The following ASIC2 variants were observed in gnomAD, a reference collection of about 807,000 sequenced individuals.
ASIC2 encodes acid sensing ion channel subunit 2.
ASIC2 carries 25 observed loss-of-function variants against 57.3 expected under a neutral mutation model. The ratio of observed to expected loss-of-function variants is 0.44; its 90% CI spans 0.32 to 0.61. The LOEUF (loss-of-function observed/expected upper bound fraction) is 0.61, where lower values mean the gene tolerates loss of function less well. ASIC2 is among the 20% of genes least tolerant of loss of function. ASIC2 has a pLI of 0.06. For missense variants in ASIC2, 641 were observed against 738.1 expected (o/e 0.87, Z 1.52); for synonymous variants, 319 against 307.5 (o/e 1.04, Z -0.39).
In ASIC2 at chr17:33,269,991, T is replaced by C. The variant is rs1477022729; in HGVS notation, c.708+21417A>G. 2.0e-5 allele frequency among the ~76,000 whole-genome samples: 3 copies of C among 152,290 alleles called. No individual in the cohort carries two copies. In the East Asian group the frequency reaches 5.8e-4, roughly 29 times the overall value. On this transcript the variant is annotated intron_variant, in intron 1 of 9. Coordinates refer to ENST00000225823, the MANE Select transcript of ASIC2 (RefSeq NM_183377.2). ...CCCAGATGCCTCTCTGCTCCATCCA[T>C]GCAAGACTTCTCTTCAGTTGAATGA...
In ASIC2 at chr17:33,328,143, TAC is replaced by T. The variant is rs1491055138; in HGVS notation, c.556-216078_556-216077del. 8.3e-5 allele frequency among the ~76,000 whole-genome samples: 6 copies of T among 71,998 alleles called. 1 individual carries two copies. The highest frequency in any genetic ancestry group is 1.7e-4 in the Non-Finnish European group (6 of 34,882). 47.2% of individuals were successfully genotyped at this position (71,998 alleles called of 152,430 possible). On this transcript the variant is annotated intron_variant, in intron 1 of 9. Coordinates refer to the ASIC2 transcript ENST00000359872. ...AGTCACTCAGTTTGCAACATTTTGT[TAC>T]AGCAGCTCTACTAGGAAATAAGTGC...
intron 1 of ASIC2, among the ~76,000 whole-genome samples, chr17:33,208,023 G>A (rs897584610): frequency 1.2e-4 from 18 of 152,220 alleles, no homozygotes; most frequent in Admixed American, 1.2e-3. Flanking sequence ...GCTTCTAGAG[G>A]AGCCAGACTA....
At chr17:33,724,284 T>C (rs1431534366) in intron 1 of ASIC2, among the ~76,000 whole-genome samples, 1 of 152,172 alleles carries the variant, frequency 6.6e-6, no homozygotes, top group Non-Finnish European at 1.5e-5. Flanking sequence ...CAGCCTTGGG[T>C]ATGTCTTTAT....
intron 1 of ASIC2, among the ~76,000 whole-genome samples, chr17:33,867,924 C>T (rs140913350): frequency 8.7e-4 from 132 of 152,290 alleles, no homozygotes; most frequent in Middle Eastern, 3.4e-3. Context: ...TTAGGGACCA[C>T]GATGTCAGTG....
chr17:33,768,995 TA>T (rs1391166023), intron 1 of ASIC2, among the ~76,000 whole-genome samples: 1 of 152,094 alleles, frequency 6.6e-6, no homozygotes, highest in Non-Finnish European at 1.5e-5. Context: ...ACTTAAAGTA[TA>T]ATAAAAAAAA....
chr17:33,949,950 T>C (rs554035185), intron 1 of ASIC2, among the ~76,000 whole-genome samples: 2 of 152,208 alleles, frequency 1.3e-5, no homozygotes, highest in African/African-American at 4.8e-5. Flanking sequence ...GTGTCCACTT[T>C]CGAATCCTGG....
intron 1 of ASIC2, among the ~76,000 whole-genome samples, chr17:33,628,894 A>C (rs1198950849): frequency 6.6e-6 from 1 of 152,198 alleles, no homozygotes; most frequent in African/African-American, 2.4e-5. Context: ...ACCAAATCCC[A>C]TGCTCTTAGC....
At chr17:33,913,055 G>A (rs1179368515) in intron 1 of ASIC2, among the ~76,000 whole-genome samples, 1 of 151,586 alleles carries the variant, frequency 6.6e-6, no homozygotes, top group Non-Finnish European at 1.5e-5. Context: ...TTTTTGAGCA[G>A]CACTTCCAGC....
At chr17:33,241,196 C>A (rs1908493410) in intron 1 of ASIC2, among the ~76,000 whole-genome samples, 2 of 152,134 alleles carry the variant, frequency 1.3e-5, no homozygotes, top group Admixed American at 6.5e-5. Flanking sequence ...TAAATGCCAC[C>A]CTGTTTTATG....
intron 1 of ASIC2, among the ~76,000 whole-genome samples, chr17:33,321,752 A>G (rs1906880349): frequency 6.6e-6 from 1 of 152,210 alleles, no homozygotes; most frequent in Non-Finnish European, 1.5e-5. Flanking sequence ...CATGGATCAA[A>G]GATACATACT....
At position 33,068,992 on chromosome 17, in the gene ASIC2, T is replaced by C. The variant is rs756501145; in HGVS notation, c.987+19871A>G. ...TATTTAATTCTGTAAATTTACCTGT[T>C]GGTATTGTGCTACTGGCAGCACATA... On this transcript the variant is annotated intron_variant, in intron 3 of 9. Transcript: ENST00000225823. Among the ~76,000 whole-genome samples, 21 of 152,342 alleles carry C rather than the reference T, an allele frequency of 1.4e-4. 2 individuals carry two copies. The Middle Eastern group carries it at 0.027, about 197-fold the overall frequency.
chr17:33,732,140 AAC>A (rs1431678699), intron 1 of ASIC2, among the ~76,000 whole-genome samples: 1 of 152,356 alleles, frequency 6.6e-6, no homozygotes, highest in Non-Finnish European at 1.5e-5. Context: ...GATAGGCTCA[AAC>A]ACACATAAAG....
chr17:33,593,995 T>C (rs1904907153), intron 1 of ASIC2, among the ~76,000 whole-genome samples: 1 of 152,244 alleles, frequency 6.6e-6, no homozygotes, highest in African/African-American at 2.4e-5. Flanking sequence ...ATTCAAATTT[T>C]CATCCCTATT....
chr17:33,784,353 C>A (rs1911544472), intron 1 of ASIC2, among the ~76,000 whole-genome samples: 2 of 152,204 alleles, frequency 1.3e-5, no homozygotes, highest in South Asian at 4.1e-4. Flanking sequence ...AGAGGAGAAG[C>A]CTAGGAATTT....
intron 1 of ASIC2, among the ~76,000 whole-genome samples, chr17:33,724,093 T>G (rs527814774): frequency 3.0e-4 from 45 of 152,222 alleles, no homozygotes; most frequent in African/African-American, 1.1e-3. Context: ...CTCATGATAG[T>G]GAATAAGTCT....
At chr17:33,171,784 T>C (rs1207704755) in intron 1 of ASIC2, among the ~76,000 whole-genome samples, 1 of 152,194 alleles carries the variant, frequency 6.6e-6, no homozygotes, top group East Asian at 1.9e-4. Context: ...TCCAACCTCA[T>C]CTCACTCTGG....
intron 1 of ASIC2, among the ~76,000 whole-genome samples, chr17:33,557,625 A>T (rs1384731508): frequency 6.6e-6 from 1 of 152,206 alleles, no homozygotes; most frequent in Non-Finnish European, 1.5e-5. Context: ...CTTGAGATTA[A>T]AAACTAAAAA....
intron 1 of ASIC2, among the ~76,000 whole-genome samples, chr17:33,905,634 T>C (rs548642512): frequency 1.3e-5 from 2 of 152,164 alleles, no homozygotes; most frequent in African/African-American, 2.4e-5. Flanking sequence ...GATAGAGAAT[T>C]CAGTCAACCA....
intron 1 of ASIC2, among the ~76,000 whole-genome samples, chr17:34,102,613 T>C (rs1026947309): frequency 5.3e-5 from 8 of 152,208 alleles, no homozygotes; most frequent in African/African-American, 1.9e-4. Context: ...GGTTCAGCAC[T>C]GTCTCTGAGA....
Sources: allele counts gnomAD v4.1 joint callset (sites outside exome capture counted in the v4.1 genomes callset), GRCh38; gene constraint gnomAD v4.1.1; transcripts MANE v1.5; gene names NCBI Gene and HGNC (gene_info 2026-07-23, HGNC 2026-07-21).